PLCH1: variants seen among roughly 807,000 people sequenced by gnomAD.
The protein encoded by PLCH1 is 1-phosphatidylinositol 4,5-bisphosphate phosphodiesterase eta-1.
A neutral mutation model predicts 126.7 loss-of-function variants in PLCH1; 60 were observed. The observed-to-expected ratio is 0.47, with a 90% CI of 0.38 to 0.59. The LOEUF (loss-of-function observed/expected upper bound fraction) is 0.59. PLCH1 is among the 20% of genes least tolerant of loss of function. PLCH1 has a pLI of 0.00. For missense variants in PLCH1, 1,723 were observed against 2,040.0 expected (o/e 0.84, Z 2.99); for synonymous variants, 719 against 734.9 (o/e 0.98, Z 0.35).
chr3:155,546,920 T>C (rs1188833394), intron 10 of PLCH1, among the ~76,000 whole-genome samples: 2 of 135,242 alleles, frequency 1.5e-5, no homozygotes, highest in Admixed American at 7.6e-5. Context: ...ACGTTAGACC[T>C]AAAACCATAA....
At position 155,613,698 on chromosome 3, in the gene PLCH1, T is replaced by G. The variant is rs150217362; in HGVS notation, c.80-17320A>C. ...TGACAAATGCACAGACAACATATAC[T>G]GAATAAGGAAAACTTGAAAGCATTC... is the stretch of plus-strand genomic sequence containing the variant. On this transcript the variant is annotated intron_variant, in intron 2 of 22. Coordinates refer to ENST00000460012, the MANE Select transcript of PLCH1 (RefSeq NM_014996.4). Among the ~76,000 whole-genome samples, 989 of 152,214 alleles carry G rather than the reference T, an allele frequency of 6.5e-3. 16 individuals are homozygous for G. The highest frequency in any genetic ancestry group is 0.023 in the African/African-American group (935 of 41,536).
At chr3:155,630,219 A>G (rs1737868119) in intron 2 of PLCH1, among the ~76,000 whole-genome samples, 1 of 152,246 alleles carries the variant, frequency 6.6e-6, no homozygotes, top group Non-Finnish European at 1.5e-5. Flanking sequence ...CCTTTTAAAA[A>G]ATTAAAGAGT....
intron 2 of PLCH1, among the ~76,000 whole-genome samples, chr3:155,615,169 A>G (rs1213449942): frequency 6.6e-6 from 1 of 152,234 alleles, no homozygotes; most frequent in East Asian, 1.9e-4. Context: ...AATGGACAAC[A>G]AACATATGAA....
At chr3:155,573,086 T>C (rs765627591) in intron 6 of PLCH1, among the ~76,000 whole-genome samples, 1 of 152,182 alleles carries the variant, frequency 6.6e-6, no homozygotes, top group Non-Finnish European at 1.5e-5. Flanking sequence ...GCAACAATAT[T>C]TGAATCATTC....
chr3:155,672,392 GCACACA>G (rs1743592255), intron 2 of PLCH1, among the ~76,000 whole-genome samples: 1 of 152,110 alleles, frequency 6.6e-6, no homozygotes, highest in Non-Finnish European at 1.5e-5. Flanking sequence ...ACAGACTAAA[GCACACA>G]ACATTACAGG....
Position 155,518,784 on chromosome 3 carries a change from G to C in PLCH1, c.1471-3900C>G, listed in dbSNP as rs139187165. Among the ~76,000 whole-genome samples, 43 of 152,218 alleles carry C rather than the reference G, an allele frequency of 2.8e-4. 1 individual carries two copies. The East Asian group carries it at 8.1e-3, about 29-fold the overall frequency. ...CACCTAGGGTATCCAGTATCACACA[G>C]AATGCTCCAAATGAGCATCCATTTC... On this transcript the variant is annotated intron_variant, in intron 11 of 22. Coordinates refer to ENST00000460012, the MANE Select transcript of PLCH1 (RefSeq NM_014996.4).
At chr3:155,656,426 T>C (rs1002941833) in intron 2 of PLCH1, among the ~76,000 whole-genome samples, 6 of 152,160 alleles carry the variant, frequency 3.9e-5, no homozygotes, top group African/African-American at 9.7e-5. Flanking sequence ...CATATAAAAC[T>C]AACAGCAAAT....
intron 2 of PLCH1, among the ~76,000 whole-genome samples, chr3:155,603,785 T>G (rs1369535322): frequency 6.6e-6 from 1 of 152,154 alleles, no homozygotes; most frequent in Admixed American, 6.5e-5. Flanking sequence ...TGATTTTTTT[T>G]TAATGATCTC....
intron 2 of PLCH1, among the ~76,000 whole-genome samples, chr3:155,651,476 G>T (rs62287315): frequency 1.3e-3 from 193 of 152,176 alleles, no homozygotes; most frequent in Non-Finnish European, 2.2e-3. Flanking sequence ...TGGAGGGGGT[G>T]GCGTGGAGGA....
chr3:155,543,585 G>A (rs1214073536), intron 10 of PLCH1, among the ~76,000 whole-genome samples: 2 of 152,136 alleles, frequency 1.3e-5, no homozygotes, highest in African/African-American at 2.4e-5. Flanking sequence ...ACACATAATT[G>A]TCAGATTCAC....
At chr3:155,581,830 TC>T (rs1206396716) in intron 6 of PLCH1, among the ~76,000 whole-genome samples, 1 of 148,752 alleles carries the variant, frequency 6.7e-6, no homozygotes, top group Non-Finnish European at 1.5e-5. Context: ...CACCACAACC[TC>T]CGCCTCTTGG....
intron 15 of PLCH1, 72 bp from the exon 16 acceptor site, chr3:155,494,589 A>G: frequency 8.2e-7 from 1 of 1,225,450 alleles, no homozygotes; most frequent in Non-Finnish European, 1.2e-6. Context: ...AGAAGACTTT[A>G]TAATAATGTC....
At position 155,559,023 on chromosome 3, in the gene PLCH1, C is replaced by T. The variant is rs150416005; in HGVS notation, c.1070-4827G>A. On this transcript the variant is annotated intron_variant, in intron 8 of 22. Transcript: ENST00000460012. The stretch of plus-strand genomic sequence containing the variant: ...ATTCCTCCTTTTAATGCCAACCTCT[C>T]CTCTATGTTGTGCTCCTCACTTTCT... 5.1e-3 allele frequency among the ~76,000 whole-genome samples: 777 copies of T among 152,262 alleles called. 9 individuals are homozygous for T. The highest frequency in any genetic ancestry group is 0.018 in the African/African-American group (742 of 41,562).
chr3:155,456,015 C>T (rs560978803), intron 21 of PLCH1, among the ~76,000 whole-genome samples: 8 of 152,306 alleles, frequency 5.3e-5, no homozygotes, highest in South Asian at 2.1e-4. Context: ...GTTCTTACCA[C>T]GCAGAATGTG....
intron 5 of PLCH1, among the ~76,000 whole-genome samples, chr3:155,584,637 CAG>C (rs1468346876): frequency 6.6e-6 from 1 of 152,160 alleles, no homozygotes; most frequent in Non-Finnish European, 1.5e-5. Flanking sequence ...CAAAAACAGA[CAG>C]GGAATGAACG....
intron 10 of PLCH1, among the ~76,000 whole-genome samples, chr3:155,534,440 T>C (rs1476148215): frequency 2.0e-5 from 3 of 152,160 alleles, no homozygotes; most frequent in African/African-American, 7.2e-5. Context: ...TGTACCCCCA[T>C]TGGATCTTTG....
At chr3:155,666,708 G>C (rs1329609468) in intron 2 of PLCH1, among the ~76,000 whole-genome samples, 1 of 152,112 alleles carries the variant, frequency 6.6e-6, no homozygotes, top group Non-Finnish European at 1.5e-5. Context: ...CTAAGGATTT[G>C]TTTAAGTTAT....
At chr3:155,695,009 C>T (rs1453889664) in intron 2 of PLCH1, among the ~76,000 whole-genome samples, 1 of 144,890 alleles carries the variant, frequency 6.9e-6, no homozygotes, top group African/African-American at 2.6e-5. Context: ...GTAAGAATTA[C>T]CCCACAGACA....
At chr3:155,538,835 T>G (rs1022841859) in intron 10 of PLCH1, among the ~76,000 whole-genome samples, 5 of 151,806 alleles carry the variant, frequency 3.3e-5, no homozygotes, top group African/African-American at 1.2e-4. Context: ...TGCAAAGAAC[T>G]GGTACCAAAT....
Sources: allele counts gnomAD v4.1 joint callset (sites outside exome capture counted in the v4.1 genomes callset), GRCh38; gene constraint gnomAD v4.1.1; transcripts MANE v1.5; gene names NCBI Gene and HGNC (gene_info 2026-07-23, HGNC 2026-07-21).